GALNT13: variants seen among roughly 807,000 people sequenced by gnomAD.
The protein encoded by GALNT13 is UDP-GalNAc:polypeptide N-acetylgalactosaminyltransferase 13.
GALNT13 carries 28 observed loss-of-function variants against 64.2 expected under a neutral mutation model. The observed-to-expected ratio is 0.44, with a 90% confidence interval of 0.32 to 0.60. GALNT13 has a LOEUF of 0.60. Among genes scored for constraint, GALNT13 ranks in the 20% least tolerant of loss-of-function variants. The pLI, the probability that GALNT13 is intolerant of heterozygous loss-of-function variation, is 0.05. For synonymous variants in GALNT13, 214 were observed against 224.6 expected, an observed-to-expected ratio of 0.95 and a Z score of 0.42; for missense variants, 577 against 669.8, an observed-to-expected ratio of 0.86 and a Z score of 1.53.
At chr2:153,440,474 G>T in the GALNT13 span, among the ~76,000 whole-genome samples, 5 of 152,158 alleles carry the variant, frequency 3.3e-5, no homozygotes, top group Non-Finnish European at 5.9e-5. Context: ...CCAGTAATGG[G>T]ATTGCTGGGT....
At chr2:153,725,893 A>G in the GALNT13 span, among the ~76,000 whole-genome samples, 1 of 152,320 alleles carries the variant, frequency 6.6e-6, no homozygotes, top group African/African-American at 2.4e-5. Context: ...TTGTGTGTGT[A>G]TACAGTTATC....
chr2:153,760,515 T>C, the GALNT13 span, among the ~76,000 whole-genome samples: 1 of 152,102 alleles, frequency 6.6e-6, no homozygotes, highest in African/African-American at 2.4e-5. Context: ...CAAGAATATA[T>C]TGTTTAATTT....
At chr2:153,456,355 G>GC in the GALNT13 span, among the ~76,000 whole-genome samples, 2 of 152,042 alleles carry the variant, frequency 1.3e-5, no homozygotes, top group African/African-American at 2.4e-5. Context: ...TCCAAAATGG[G>GC]CCCTTTCTAG....
At chr2:153,823,723 C>A in the GALNT13 span, among the ~76,000 whole-genome samples, 1 of 152,152 alleles carries the variant, frequency 6.6e-6, no homozygotes, top group Admixed American at 6.5e-5. Context: ...AAATGTATGA[C>A]TAAGCCCTCA....
At chr2:154,204,109 CTGGACCAT>C (rs1456374613) in intron 4 of GALNT13, among the ~76,000 whole-genome samples, 1 of 152,144 alleles carries the variant, frequency 6.6e-6, no homozygotes, top group African/African-American at 2.4e-5. Context: ...CTCATTCACT[CTGGACCAT>C]TGCCATCCTT....
At chr2:154,391,090 A>G (rs904694232) in intron 9 of GALNT13, among the ~76,000 whole-genome samples, 1 of 152,018 alleles carries the variant, frequency 6.6e-6, no homozygotes, top group African/African-American at 2.4e-5. Context: ...ATATCTTTCC[A>G]TATGTGGATT....
At chr2:153,835,509 A>G in the GALNT13 span, among the ~76,000 whole-genome samples, 7,654 of 152,082 alleles carry the variant, frequency 0.05, 284 homozygotes, top group Non-Finnish European at 0.076. Context: ...AATTTAATGA[A>G]AGGGGTTTTG....
the GALNT13 span, among the ~76,000 whole-genome samples, chr2:153,305,550 G>A: frequency 6.6e-6 from 1 of 152,104 alleles, no homozygotes; most frequent in Non-Finnish European, 1.5e-5. Context: ...AAGATGTTTT[G>A]GAAAGTGTAC....
chr2:153,705,801 G>A, the GALNT13 span, among the ~76,000 whole-genome samples: 1 of 152,142 alleles, frequency 6.6e-6, no homozygotes, highest in South Asian at 2.1e-4. Flanking sequence ...GAAGTGCAGA[G>A]TCACATGGCA....
the GALNT13 span, among the ~76,000 whole-genome samples, chr2:153,471,690 T>G: frequency 3.9e-5 from 6 of 152,328 alleles, no homozygotes; most frequent in Admixed American, 3.9e-4. Context: ...TTCAAGCCTA[T>G]GCAATACATA....
At chr2:154,218,545 T>C (rs1235498711) in intron 4 of GALNT13, among the ~76,000 whole-genome samples, 2 of 152,150 alleles carry the variant, frequency 1.3e-5, no homozygotes, top group Non-Finnish European at 2.9e-5. Context: ...CCCACTGTAA[T>C]CTGGTACTTG....
the GALNT13 span, among the ~76,000 whole-genome samples, chr2:153,528,853 T>C: frequency 6.6e-6 from 1 of 151,858 alleles, no homozygotes; most frequent in African/African-American, 2.4e-5. Flanking sequence ...AAGAAGGAAA[T>C]TGAAAATTTT....
intron 1 of GALNT13, among the ~76,000 whole-genome samples, chr2:153,873,122 C>A (rs550660827): frequency 2.6e-5 from 4 of 152,316 alleles, no homozygotes; most frequent in African/African-American, 9.6e-5. Flanking sequence ...ACACCAGCCC[C>A]GCGATCCCGA....
intron 4 of GALNT13, among the ~76,000 whole-genome samples, chr2:154,149,642 C>T (rs566657607): frequency 6.6e-5 from 10 of 152,272 alleles, no homozygotes; most frequent in Admixed American, 2.0e-4. Context: ...AGGTCCTTCA[C>T]GTCCCTTGTA....
At chr2:154,095,995 G>A (rs866261504) in intron 3 of GALNT13, among the ~76,000 whole-genome samples, 4 of 151,806 alleles carry the variant, frequency 2.6e-5, no homozygotes, top group Admixed American at 6.6e-5. Flanking sequence ...ACAAAGTAGC[G>A]ATATGAAGTT....
At chr2:153,562,259 A>C in the GALNT13 span, among the ~76,000 whole-genome samples, 1 of 152,086 alleles carries the variant, frequency 6.6e-6, no homozygotes, top group Admixed American at 6.6e-5. Flanking sequence ...AGTTACTTTA[A>C]GATACACTTA....
chr2:153,139,271 T>C, the GALNT13 span, among the ~76,000 whole-genome samples: 1 of 152,008 alleles, frequency 6.6e-6, no homozygotes, highest in Non-Finnish European at 1.5e-5. Context: ...ACATGCTACC[T>C]AAGAATATCT....
chr2:153,516,533 G>T, the GALNT13 span, among the ~76,000 whole-genome samples: 1 of 152,102 alleles, frequency 6.6e-6, no homozygotes, highest in Non-Finnish European at 1.5e-5. Flanking sequence ...AAGTTAGGTG[G>T]TAGGAAGAGA....
chr2:153,767,759 T>C, the GALNT13 span, among the ~76,000 whole-genome samples: 1 of 152,046 alleles, frequency 6.6e-6, no homozygotes, highest in Non-Finnish European at 1.5e-5. Flanking sequence ...CCTTTGAAAA[T>C]AGTGTAGTTC....
Sources: allele counts gnomAD v4.1 joint callset (sites outside exome capture counted in the v4.1 genomes callset), GRCh38; gene constraint gnomAD v4.1.1; transcripts MANE v1.5; gene names NCBI Gene and HGNC (gene_info 2026-07-23, HGNC 2026-07-21).